Variants in PCCA observed in about 807,000 individuals in gnomAD.
PCCA encodes propionyl-CoA carboxylase alpha chain, mitochondrial.
A neutral mutation model predicts 101.3 loss-of-function variants in PCCA; 74 were observed. The ratio of observed to expected loss-of-function variants is 0.73; its 90% CI spans 0.61 to 0.89. The LOEUF (loss-of-function observed/expected upper bound fraction) is 0.89, where lower values mean the gene tolerates loss of function less well. Among genes scored for constraint, PCCA ranks in the 40% least tolerant of loss-of-function variants. The probability of loss-of-function intolerance (pLI) is 0.00; values close to 1 mark genes in which losing one functional copy is unlikely to be tolerated. For missense variants in PCCA, 891 were observed against 907.0 expected, an observed-to-expected ratio of 0.98 and a Z score of 0.23; for synonymous variants, 294 against 313.6, an observed-to-expected ratio of 0.94 and a Z score of 0.66.
chr13:100,301,323 A>C, intron 12 of PCCA, 137 bp from the exon 13 acceptor site: 1 of 851,262 alleles, frequency 1.2e-6, no homozygotes, highest in South Asian at 1.5e-5. Context: ...CTAGCTCAAG[A>C]GTTTTTTAGT....
At chr13:100,404,867 A>G (rs927139187) in intron 19 of PCCA, among the ~76,000 whole-genome samples, 1 of 152,164 alleles carries the variant, frequency 6.6e-6, no homozygotes, top group Non-Finnish European at 1.5e-5. Context: ...GGGTTGGCTT[A>G]ATCAGCAGGA....
intron 21 of PCCA, among the ~76,000 whole-genome samples, chr13:100,488,782 G>GGCA (rs2084639260): frequency 6.6e-6 from 1 of 151,924 alleles, no homozygotes; most frequent in Non-Finnish European, 1.5e-5. Context: ...CTGCAATCTG[G>GGCA]GCAGCAGAGC....
At chr13:100,294,118 T>A (rs1445674078) in intron 12 of PCCA, among the ~76,000 whole-genome samples, 1 of 152,194 alleles carries the variant, frequency 6.6e-6, no homozygotes, top group East Asian at 1.9e-4. Flanking sequence ...TTCTCGTTGC[T>A]TGTGGGTGGC....
chr13:100,141,580 T>C (rs1181002879), intron 4 of PCCA, among the ~76,000 whole-genome samples: 1 of 152,014 alleles, frequency 6.6e-6, no homozygotes, highest in East Asian at 1.9e-4. Context: ...CCAGCTGATT[T>C]TTTTGTATTT....
intron 22 of PCCA, among the ~76,000 whole-genome samples, chr13:100,520,481 A>G (rs1216990583): frequency 1.3e-5 from 2 of 151,962 alleles, no homozygotes; most frequent in African/African-American, 4.8e-5. Flanking sequence ...TAAAAATACA[A>G]AAAATTAGCC....
chr13:100,439,965 T>C (rs1336793603), intron 20 of PCCA, among the ~76,000 whole-genome samples: 10 of 151,832 alleles, frequency 6.6e-5, no homozygotes, highest in Admixed American at 6.6e-4. Flanking sequence ...AAATTTATTA[T>C]AAATAACAGT....
rs749734283 is a variant in PCCA, at chr13:100,089,167, G to T, written c.47G>T (p.Arg16Leu). Residue 16 changes from arginine (R) to leucine (L), a missense_variant, in exon 1 of 24, where the codon CGG becomes CTG. Physicochemically the swap from Arg to Leu is moderately radical, Grantham distance 102. Coordinates refer to ENST00000376285, the MANE Select transcript of PCCA (RefSeq NM_000282.4). ...VGTAPLVAAGRRGRWPPQQLM... is the reference protein window; with the variant it reads ...VGTAPLVAAGLRGRWPPQQLM... ...ACAGCACCGCTGGTCGCTGCCGGAC[G>T]GCGTGGGCGGTGGCCGCCGCAGCAG... 4 of 1,528,948 alleles carry T rather than the reference G, an allele frequency of 2.6e-6. No homozygotes were observed. Among genetic ancestry groups the T allele is most frequent in the South Asian group, 1.2e-5 (1 of 80,332 alleles). The allele number at this position is 1,528,948 out of a possible 1,614,324, so 94.7% of individuals were successfully genotyped here.
chr13:100,354,119 T>TAAA lies in PCCA; in HGVS notation c.1643+13862_1643+13864dup, dbSNP rs1456284560. 1.2e-3 allele frequency among the ~76,000 whole-genome samples: 165 copies of TAAA among 137,166 alleles called. 1 individual carries two copies. The highest frequency in any genetic ancestry group is 7.9e-3 in the South Asian group (34 of 4,292). 90.0% of individuals were successfully genotyped at this position (137,166 alleles called of 152,430 possible). ...ATAATAATAATAATAATAATAATAATAAAATAATTCGCTGGGTGTGGTGGC... is the reference window on the plus strand; with the variant it reads ...ATAATAATAATAATAATAATAATAATAAAAAAATAATTCGCTGGGTGTGGTGGC... On this transcript the variant is annotated intron_variant, in intron 18 of 23. Transcript: ENST00000376285.
intron 21 of PCCA, chr13:100,477,228 T>C (rs2083484867): frequency 6.6e-6 from 1 of 152,164 alleles, no homozygotes; most frequent in Non-Finnish European, 1.5e-5. Context: ...TTAAATGAGT[T>C]GGTGCATGCA....
At chr13:100,119,288 C>T (rs1214305849) in intron 4 of PCCA, among the ~76,000 whole-genome samples, 1 of 151,924 alleles carries the variant, frequency 6.6e-6, no homozygotes, top group African/African-American at 2.4e-5. Context: ...GTGTTTATTT[C>T]TATTCCTGAC....
chr13:100,409,745 T>C (rs2077916712), intron 19 of PCCA, among the ~76,000 whole-genome samples: 1 of 152,060 alleles, frequency 6.6e-6, no homozygotes. Flanking sequence ...TCTTTTAGAG[T>C]TGGCCATTTT....
chr13:100,451,511 C>T (rs1445695477), intron 21 of PCCA, among the ~76,000 whole-genome samples: 3 of 152,084 alleles, frequency 2.0e-5, no homozygotes, highest in Non-Finnish European at 2.9e-5. Context: ...CCTCAGTGTT[C>T]GTGCTGGGAA....
chr13:100,510,949 C>T (rs747139475), intron 21 of PCCA, among the ~76,000 whole-genome samples: 12 of 152,186 alleles, frequency 7.9e-5, no homozygotes, highest in Admixed American at 5.2e-4. Context: ...GAAGGACGGC[C>T]GTAGGCTTCA....
chr13:100,449,421 C>CT (rs1339915298), intron 21 of PCCA, 116 bp downstream of exon 21: 2 of 619,972 alleles, frequency 3.2e-6, no homozygotes, highest in African/African-American at 3.7e-5. Context: ...ATTACCTCTA[C>CT]TTTTTTGCCT....
chr13:100,157,228 G>C, intron 5 of PCCA, 59 bp from the exon 6 acceptor site: 1 of 1,168,516 alleles, frequency 8.6e-7, no homozygotes, highest in Middle Eastern at 2.1e-4. Context: ...TGTACATTTT[G>C]CTTATAAAGC....
intron 16 of PCCA, among the ~76,000 whole-genome samples, chr13:100,324,870 T>G (rs2068476567): frequency 6.6e-6 from 1 of 152,248 alleles, no homozygotes; most frequent in Non-Finnish European, 1.5e-5. Context: ...AAGTCATTGC[T>G]TATGGTTCTG....
intron 4 of PCCA, among the ~76,000 whole-genome samples, chr13:100,118,119 A>C (rs1301824132): frequency 6.8e-6 from 1 of 147,430 alleles, no homozygotes; most frequent in Non-Finnish European, 1.5e-5. Context: ...CCATCTCAAA[A>C]AAAAAGAAAA....
chr13:100,130,596 T>C (rs2050407921), intron 4 of PCCA, among the ~76,000 whole-genome samples: 1 of 152,224 alleles, frequency 6.6e-6, no homozygotes, highest in Admixed American at 6.5e-5. Context: ...TTATAAATAG[T>C]ATTTGAAAAT....
intron 4 of PCCA, among the ~76,000 whole-genome samples, chr13:100,153,140 G>A (rs2053539550): frequency 6.6e-6 from 1 of 152,062 alleles, no homozygotes; most frequent in Non-Finnish European, 1.5e-5. Context: ...ATTTGATAAT[G>A]AAAGTTATTA....
Sources: gnomAD v4.1 joint callset for allele counts (sites outside exome capture counted in the v4.1 genomes callset) on GRCh38, gnomAD v4.1.1 for gene constraint, MANE v1.5 for transcripts, NCBI Gene and HGNC (gene_info 2026-07-23, HGNC 2026-07-21) for gene names.